NRXN3: variants seen among roughly 807,000 people sequenced by gnomAD.
The protein encoded by NRXN3 is neurexin III.
In NRXN3, 32 loss-of-function variants were observed where a neutral mutation model predicts 137.6. That is an observed-to-expected ratio of 0.23 (90% confidence interval 0.18 to 0.31). The LOEUF (loss-of-function observed/expected upper bound fraction) is 0.31, where lower values mean the gene tolerates loss of function less well. Among genes scored for constraint, NRXN3 ranks in the 10% least tolerant of loss-of-function variants. NRXN3 has a pLI of 1.00. For missense variants in NRXN3, 1,574 were observed against 2,062.5 expected (o/e 0.76, Z 4.59); for synonymous variants, 798 against 784.5 (o/e 1.02, Z -0.29).
chr14:78,451,578 C>T (rs1055262331), intron 4 of NRXN3, among the ~76,000 whole-genome samples: 3 of 152,220 alleles, frequency 2.0e-5, no homozygotes, highest in Non-Finnish European at 4.4e-5. Context: ...TCTTTCTATA[C>T]TCCCTTCCCG....
chr14:79,138,710 C>A (rs2058498606), intron 15 of NRXN3, among the ~76,000 whole-genome samples: 1 of 152,164 alleles, frequency 6.6e-6, no homozygotes, highest in Admixed American at 6.5e-5. Context: ...AAGGTAATGA[C>A]TGAAATGAGA....
chr14:79,017,290 G>A (rs970337625), intron 15 of NRXN3, among the ~76,000 whole-genome samples: 1 of 151,592 alleles, frequency 6.6e-6, no homozygotes, highest in Admixed American at 6.6e-5. Context: ...CCAAGCAACT[G>A]GTTCTGTTCA....
At chr14:78,192,389 A>T (rs2060831218) in intron 1 of NRXN3, among the ~76,000 whole-genome samples, 1 of 152,084 alleles carries the variant, frequency 6.6e-6, no homozygotes, top group Non-Finnish European at 1.5e-5. Context: ...CTTTAGCTGG[A>T]TAGGAGATAC....
At chr14:78,542,504 G>C (rs1008108366) in intron 4 of NRXN3, among the ~76,000 whole-genome samples, 1 of 152,256 alleles carries the variant, frequency 6.6e-6, no homozygotes, top group Admixed American at 6.5e-5. Context: ...CCAGGCACAG[G>C]AGAGAATCTC....
chr14:79,338,909 C>T (rs1430043716), intron 15 of NRXN3, among the ~76,000 whole-genome samples: 1 of 152,112 alleles, frequency 6.6e-6, no homozygotes, highest in Non-Finnish European at 1.5e-5. Flanking sequence ...TTCGGAGTCA[C>T]TGTTCAGAAT....
At chr14:78,747,747 A>C (rs1356702753) in intron 8 of NRXN3, among the ~76,000 whole-genome samples, 4 of 151,990 alleles carry the variant, frequency 2.6e-5, no homozygotes, top group Middle Eastern at 3.4e-3. Context: ...CTCCTAAAAC[A>C]CTCTTCTCAC....
chr14:78,256,141 C>T (rs1204167057), intron 2 of NRXN3, among the ~76,000 whole-genome samples: 2 of 152,042 alleles, frequency 1.3e-5, no homozygotes, highest in Non-Finnish European at 2.9e-5. Flanking sequence ...CAGTAGCCAG[C>T]CTGGGACCAT....
At chr14:79,240,908 T>C (rs745636220) in intron 15 of NRXN3, among the ~76,000 whole-genome samples, 45 of 152,150 alleles carry the variant, frequency 3.0e-4, no homozygotes, top group Admixed American at 2.6e-3. Context: ...AATCTAGAAG[T>C]GATATCTTGT....
chr14:78,754,835 CTTTTTTTT>C (rs36056842), intron 8 of NRXN3, among the ~76,000 whole-genome samples: 1 of 143,322 alleles, frequency 7.0e-6, no homozygotes, highest in African/African-American at 2.6e-5. Flanking sequence ...TCAGTATACA[CTTTTTTTT>C]TTTTTTTGAG....
At chr14:79,574,817 G>A (rs35726264) in intron 16 of NRXN3, among the ~76,000 whole-genome samples, 5 of 150,808 alleles carry the variant, frequency 3.3e-5, no homozygotes, top group Admixed American at 1.3e-4. Context: ...AAGGCAAAGG[G>A]TTATTATTCT....
At chr14:79,427,703 G>A (rs10136360) in intron 15 of NRXN3, among the ~76,000 whole-genome samples, 30,411 of 151,712 alleles carry the variant, frequency 0.2, 3,190 homozygotes, top group Non-Finnish European at 0.22. Flanking sequence ...GTGGTGGCAT[G>A]TGCCTGTAAT....
chr14:78,886,117 G>T (rs545306658), intron 10 of NRXN3, among the ~76,000 whole-genome samples: 1 of 152,270 alleles, frequency 6.6e-6, no homozygotes, highest in South Asian at 2.1e-4. Flanking sequence ...GCTGGGAAAT[G>T]TAGTCTGGCT....
chr14:78,383,886 G>A (rs1028883599), intron 4 of NRXN3, among the ~76,000 whole-genome samples: 1 of 152,158 alleles, frequency 6.6e-6, no homozygotes, highest in Non-Finnish European at 1.5e-5. Flanking sequence ...ATTCCCTGAT[G>A]AGGAATCTAT....
intron 15 of NRXN3, among the ~76,000 whole-genome samples, chr14:79,118,594 C>T (rs926754488): frequency 1.3e-5 from 2 of 152,170 alleles, no homozygotes; most frequent in Non-Finnish European, 2.9e-5. Flanking sequence ...GCCTCAAGCC[C>T]GCCCACAGTA....
chr14:78,502,457 C>G (rs967563147), intron 4 of NRXN3, among the ~76,000 whole-genome samples: 1 of 152,166 alleles, frequency 6.6e-6, no homozygotes, highest in Non-Finnish European at 1.5e-5. Context: ...CACTAGGTCT[C>G]GAGCTGCAGG....
At chr14:79,234,320 A>ATATAT (rs1555883772) in intron 15 of NRXN3, among the ~76,000 whole-genome samples, 1 of 113,628 alleles carries the variant, frequency 8.8e-6, no homozygotes, top group African/African-American at 3.7e-5. Flanking sequence ...ATATATATAT[A>ATATAT]TATATATATA....
At chr14:78,495,943 G>T (rs4899716) in intron 4 of NRXN3, among the ~76,000 whole-genome samples, 151,556 of 152,332 alleles carry the variant, frequency 0.99, 75,397 homozygotes, top group Middle Eastern at 1. Flanking sequence ...TCTTCCTCAC[G>T]TATGCCTCAG....
At chr14:79,846,635 C>T (rs1324119385) in intron 20 of NRXN3, among the ~76,000 whole-genome samples, 3 of 152,154 alleles carry the variant, frequency 2.0e-5, no homozygotes, top group African/African-American at 7.2e-5. Flanking sequence ...TTCAGATAAG[C>T]TTTAATGTGT....
At chr14:78,225,952 GGTGT>G (rs5809869) in intron 1 of NRXN3, among the ~76,000 whole-genome samples, 5 of 124,814 alleles carry the variant, frequency 4.0e-5, no homozygotes, top group Admixed American at 2.4e-4. Context: ...GTGTTTTTTT[GGTGT>G]GTGTGTGTGT....
Sources: allele counts gnomAD v4.1 joint callset (sites outside exome capture counted in the v4.1 genomes callset), GRCh38; gene constraint gnomAD v4.1.1; transcripts MANE v1.5; gene names NCBI Gene and HGNC (gene_info 2026-07-23, HGNC 2026-07-21).